The following ZFP62 variants were observed in gnomAD, a reference collection of about 807,000 sequenced individuals.
The protein encoded by ZFP62 is ZFP62 zinc finger protein, also known as zinc finger protein 62 homolog.
A neutral mutation model predicts 56.4 loss-of-function variants in ZFP62; 44 were observed. The observed-to-expected ratio is 0.78, with a 90% CI of 0.61 to 1.00. The LOEUF (loss-of-function observed/expected upper bound fraction) is 1.00. Among genes scored for constraint, ZFP62 ranks in the 50% least tolerant of loss-of-function variants. The pLI is 0.00. For missense variants in ZFP62, 1,030 were observed against 1,085.7 expected (o/e 0.95, Z 0.72); for synonymous variants, 421 against 388.9 (o/e 1.08, Z -0.97).
intron 1 of ZFP62, 28 bp from the exon 2 acceptor site, chr5:180,851,521 T>G: frequency 6.7e-7 from 1 of 1,488,664 alleles, no homozygotes; most frequent in Non-Finnish European, 8.9e-7. Flanking sequence ...AAAGGACACC[T>G]ATTCACTCTC....
the ZFP62 span, among the ~76,000 whole-genome samples, chr5:180,828,000 G>A: frequency 6.7e-3 from 1,023 of 152,228 alleles, 7 homozygotes; most frequent in African/African-American, 0.024. Context: ...CTCTCTCCCC[G>A]CTATTGTCTT....
Position 180,847,625 on chromosome 5 carries a change from ATTTC to A in ZFP62, c.*1163_*1166del, listed in dbSNP as rs948767598. ...CTCACAGCCCGTTTTGATTTAAGGA[ATTTC>A]TTTATTGGAATTCCACTTTACCTCG... On this transcript the variant is annotated 3_prime_UTR_variant, in exon 2 of 2. Transcript: ENST00000502412. The A allele has an allele frequency of 1.0e-6, 1 of 985,308 alleles. No homozygotes were observed. The highest frequency in any genetic ancestry group is 1.7e-5 in the African/African-American group (1 of 57,246). 61.0% of individuals were successfully genotyped at this position (985,308 alleles called of 1,614,324 possible).
At position 180,851,033 on chromosome 5, in the gene ZFP62, G is replaced by A; in HGVS notation, c.462C>T (p.Ser154=). The A allele has an allele frequency of 6.4e-7, 1 of 1,551,610 alleles. No individual in the cohort carries two copies. Among genetic ancestry groups the A allele is most frequent in the Admixed American group, 2.0e-5 (1 of 50,996 alleles). The change falls in exon 2 of 2, where the codon TCC becomes TCT. Residue 154 remains serine, a synonymous_variant. Coordinates refer to ENST00000502412, the MANE Select transcript of ZFP62 (RefSeq NM_001172638.2). ...DECGKSFKYN[S]RLVQHKIMHT... ...GCATAATTTTATGTTGAACAAGGCGGGAATTATATTTGAAGGATTTCCCAC... is the reference window on the plus strand; with the variant it reads ...GCATAATTTTATGTTGAACAAGGCGAGAATTATATTTGAAGGATTTCCCAC...
At chr5:180,839,527 G>A in the ZFP62 span, among the ~76,000 whole-genome samples, 1 of 152,262 alleles carries the variant, frequency 6.6e-6, no homozygotes, top group African/African-American at 2.4e-5. Context: ...ACCAAATACC[G>A]CATGTTTTCA....
the ZFP62 span, among the ~76,000 whole-genome samples, chr5:180,837,329 TTATC>T: frequency 3.3e-5 from 5 of 152,232 alleles, no homozygotes; most frequent in African/African-American, 1.2e-4. Flanking sequence ...AGCACTGTGT[TTATC>T]TATCACATTT....
the ZFP62 span, among the ~76,000 whole-genome samples, chr5:180,826,912 A>G: frequency 6.6e-6 from 1 of 152,248 alleles, no homozygotes; most frequent in Non-Finnish European, 1.5e-5. Flanking sequence ...GGAGTTGAGA[A>G]AGCTTTAAAA....
chr5:180,832,181 C>T, the ZFP62 span, among the ~76,000 whole-genome samples: 1 of 152,178 alleles, frequency 6.6e-6, no homozygotes, highest in Non-Finnish European at 1.5e-5. Flanking sequence ...TTGAGACAGT[C>T]TGTTCTGTCA....
chr5:180,827,205 G>A, the ZFP62 span, among the ~76,000 whole-genome samples: 1 of 152,220 alleles, frequency 6.6e-6, no homozygotes, highest in South Asian at 2.1e-4. Flanking sequence ...TCACCTGAAA[G>A]TTGCCCCTTC....
chr5:180,846,644 C>A (rs1194147584), downstream of ZFP62, among the ~76,000 whole-genome samples: 1 of 152,126 alleles, frequency 6.6e-6, no homozygotes, highest in Non-Finnish European at 1.5e-5. Flanking sequence ...CAACGTCCTG[C>A]CCAGATGTCA....
intron 1 of ZFP62, among the ~76,000 whole-genome samples, chr5:180,853,512 A>AAAC (rs1773825603): frequency 6.6e-6 from 1 of 152,234 alleles, no homozygotes; most frequent in Non-Finnish European, 1.5e-5. Context: ...TTTACTATAC[A>AAAC]AAATACATAA....
At position 180,849,663 on chromosome 5, in the gene ZFP62, T is replaced by A. The variant is rs985626373; in HGVS notation, c.1832A>T (p.His611Leu). The A allele has an allele frequency of 1.3e-6, 2 of 1,551,964 alleles. No homozygotes were observed. Among genetic ancestry groups the A allele is most frequent in the Non-Finnish European group, 1.7e-6 (2 of 1,147,056 alleles). ...YRTLTNHKKV[H>L]LGEKPYKCDV... The stretch of plus-strand genomic sequence containing the variant: ...ACATTTGTAGGGCTTCTCCCCAAGA[T>A]GAACTTTTTTGTGGTTTGTAAGGGT... The change falls in exon 2 of 2, where the codon CAT becomes CTT. Residue 611 changes from histidine (H) to leucine (L), a missense_variant. His to Leu is a moderately conservative substitution (Grantham distance 99). Coordinates refer to ENST00000502412, the MANE Select transcript of ZFP62 (RefSeq NM_001172638.2).
rs976828737 is a variant in ZFP62, at chr5:180,849,700, T to C, written c.1795A>G (p.Ile599Val). ...TGGTTTGTAAGGGTTCGGTATGTGA[T>C]GAAGGCCTTCTCACACTCGTCACAC... Reference protein sequence around the residue: ...FKCDECEKAFITYRTLTNHKK... With the variant: ...FKCDECEKAFVTYRTLTNHKK... The change falls in exon 2 of 2, where the codon ATC (isoleucine) becomes GTC (valine). Residue 599 changes from isoleucine (I) to valine (V), a missense_variant. Ile to Val is a conservative substitution (Grantham distance 29, BLOSUM62 3). Transcript: ENST00000502412. The C allele has an allele frequency of 3.2e-6, 5 of 1,551,832 alleles. No homozygotes were observed. The African/African-American group carries it at 6.8e-5, about 21-fold the overall frequency.
At chr5:180,828,980 T>C in the ZFP62 span, among the ~76,000 whole-genome samples, 3 of 152,248 alleles carry the variant, frequency 2.0e-5, no homozygotes, top group South Asian at 4.1e-4. Context: ...CTGAGATACG[T>C]CCTGGTCTCC....
chr5:180,859,931 C>A (rs1451956378), intron 1 of ZFP62, among the ~76,000 whole-genome samples: 1 of 152,200 alleles, frequency 6.6e-6, no homozygotes, highest in African/African-American at 2.4e-5. Context: ...ATTGAGTATA[C>A]CATTGTTTGA....
At chr5:180,844,140 T>G (rs1773365361), downstream of ZFP62, among the ~76,000 whole-genome samples, 1 of 152,240 alleles carries the variant, frequency 6.6e-6, no homozygotes, top group Non-Finnish European at 1.5e-5. Flanking sequence ...TGCTGTTTCA[T>G]CAACTTTTGC....
the ZFP62 span, chr5:180,830,225 G>A: frequency 1.3e-5 from 2 of 152,354 alleles, no homozygotes; most frequent in South Asian, 2.1e-4. Flanking sequence ...CCATTGTCTT[G>A]TTGACTCTGT....
At chr5:180,830,445 G>C in the ZFP62 span, 1 of 152,364 alleles carries the variant, frequency 6.6e-6, no homozygotes, top group Non-Finnish European at 1.5e-5. Context: ...GAGGGGAGTA[G>C]GTAACAAGAT....
rs555178722 is a variant in ZFP62 at position 180,855,354 on chromosome 5, C to T, written c.2-3861G>A. Among the ~76,000 whole-genome samples the T allele has an allele frequency of 1.8e-4, 28 of 152,310 alleles. No homozygotes were observed. In the South Asian group the frequency reaches 5.6e-3, roughly 30 times the overall value. On this transcript the variant is annotated intron_variant, in intron 1 of 1. Transcript: ENST00000502412. ...CAGGTACTGCTTTGCCATCCTACTG[C>T]CTGTTGTATCTGGAAAAAGTGGTCT...
At chr5:180,829,466 T>C in the ZFP62 span, among the ~76,000 whole-genome samples, 3 of 152,244 alleles carry the variant, frequency 2.0e-5, no homozygotes, top group African/African-American at 7.2e-5. Context: ...CCTACCAATA[T>C]GTGATGTCAC....
Sources: gnomAD v4.1 joint callset for allele counts (sites outside exome capture counted in the v4.1 genomes callset) on GRCh38, gnomAD v4.1.1 for gene constraint, MANE v1.5 for transcripts, NCBI Gene and HGNC (gene_info 2026-07-23, HGNC 2026-07-21) for gene names.